TBC1D19: variants seen among roughly 807,000 people sequenced by gnomAD.
The protein encoded by TBC1D19 is TBC1 domain family member 19, also known as TBC1 domain family, member 19.
TBC1D19 carries 60 observed loss-of-function variants against 89.0 expected under a neutral mutation model. That is an observed-to-expected ratio of 0.67 (90% CI 0.55 to 0.84). The LOEUF (loss-of-function observed/expected upper bound fraction) is 0.84. TBC1D19 is among the 40% of genes least tolerant of loss of function. The pLI is 0.00. For synonymous variants in TBC1D19, 189 were observed against 199.7 expected, an observed-to-expected ratio of 0.95 and a Z score of 0.45; for missense variants, 500 against 610.8, an observed-to-expected ratio of 0.82 and a Z score of 1.91.
downstream of TBC1D19, among the ~76,000 whole-genome samples, chr4:26,759,651 C>T (rs1719395727): frequency 6.6e-6 from 1 of 152,146 alleles, no homozygotes; most frequent in Admixed American, 6.5e-5. Context: ...ACTCCAACCA[C>T]TCATCTGCTT....
At chr4:26,649,777 A>G (rs1028323351) in intron 7 of TBC1D19, among the ~76,000 whole-genome samples, 1 of 151,762 alleles carries the variant, frequency 6.6e-6, no homozygotes, top group Non-Finnish European at 1.5e-5. Context: ...TTTGTTACAT[A>G]TGTATACATG....
intron 1 of TBC1D19, among the ~76,000 whole-genome samples, chr4:26,599,065 T>C (rs1740427142): frequency 6.6e-6 from 1 of 152,068 alleles, no homozygotes; most frequent in Non-Finnish European, 1.5e-5. Context: ...CTATATTATA[T>C]ATATGTATAT....
intron 7 of TBC1D19, among the ~76,000 whole-genome samples, chr4:26,652,101 T>C (rs1744432900): frequency 6.6e-6 from 1 of 152,140 alleles, no homozygotes. Context: ...GATGTGCTGC[T>C]GGATTCGGTT....
At chr4:26,826,609 G>C in the TBC1D19 span, among the ~76,000 whole-genome samples, 4 of 152,164 alleles carry the variant, frequency 2.6e-5, no homozygotes, top group African/African-American at 9.7e-5. Flanking sequence ...CATTGTTATA[G>C]ATGATGTCCG....
chr4:26,592,527 A>C (rs985230415), intron 1 of TBC1D19, among the ~76,000 whole-genome samples: 44 of 152,204 alleles, frequency 2.9e-4, no homozygotes, highest in Admixed American at 6.5e-4. Context: ...GTATTCAATT[A>C]GGAAAAGAGG....
intron 9 of TBC1D19, among the ~76,000 whole-genome samples, chr4:26,668,182 AT>A (rs568884312): frequency 6.3e-4 from 96 of 152,068 alleles, no homozygotes; most frequent in Non-Finnish European, 8.4e-4. Context: ...ATAAAATAAA[AT>A]ATCTTATACT....
At chr4:26,810,905 G>A in the TBC1D19 span, among the ~76,000 whole-genome samples, 1 of 152,286 alleles carries the variant, frequency 6.6e-6, no homozygotes, top group South Asian at 2.1e-4. Context: ...TGAAGTAAGT[G>A]AGTAGTGTAA....
At chr4:26,806,026 G>A in the TBC1D19 span, among the ~76,000 whole-genome samples, 5 of 152,018 alleles carry the variant, frequency 3.3e-5, no homozygotes, top group Non-Finnish European at 1.5e-5. Flanking sequence ...CGGCCTCAGA[G>A]GCCCTGCTTC....
intron 13 of TBC1D19, among the ~76,000 whole-genome samples, chr4:26,696,435 A>T (rs1486317459): frequency 3.3e-5 from 5 of 152,194 alleles, no homozygotes; most frequent in African/African-American, 1.2e-4. Context: ...CACTGTCAAC[A>T]TTAGACAGAT....
the TBC1D19 span, among the ~76,000 whole-genome samples, chr4:26,832,072 C>A: frequency 6.6e-6 from 1 of 152,200 alleles, no homozygotes; most frequent in Admixed American, 6.5e-5. Context: ...TTTCCACATG[C>A]TGGGCAAGCT....
At chr4:26,659,381 T>C (rs1168107485) in intron 7 of TBC1D19, among the ~76,000 whole-genome samples, 2 of 152,166 alleles carry the variant, frequency 1.3e-5, no homozygotes, top group African/African-American at 2.4e-5. Context: ...AGATCATTCA[T>C]TGGAATATAA....
the TBC1D19 span, among the ~76,000 whole-genome samples, chr4:26,842,601 T>C: frequency 4.5e-5 from 6 of 134,124 alleles, no homozygotes; most frequent in Non-Finnish European, 9.4e-5. Flanking sequence ...TCTTTCTTTC[T>C]TTCTTTCTTT....
At chr4:26,627,339 G>A (rs1051942608) in intron 4 of TBC1D19, among the ~76,000 whole-genome samples, 31 of 152,192 alleles carry the variant, frequency 2.0e-4, no homozygotes, top group Admixed American at 1.1e-3. Flanking sequence ...GAATAGTGGC[G>A]CAATAAACAT....
chr4:26,581,765 C>T (rs553935928), upstream of TBC1D19, among the ~76,000 whole-genome samples: 49 of 152,250 alleles, frequency 3.2e-4, no homozygotes, highest in African/African-American at 1.0e-3. Flanking sequence ...CACATAATTC[C>T]TTTGGGACTG....
the TBC1D19 span, among the ~76,000 whole-genome samples, chr4:26,803,454 C>T: frequency 3.3e-5 from 5 of 152,170 alleles, no homozygotes; most frequent in South Asian, 1.0e-3. Flanking sequence ...AAATCATCAG[C>T]GTAAAATCGA....
the TBC1D19 span, among the ~76,000 whole-genome samples, chr4:26,808,707 G>A: frequency 2.1e-4 from 25 of 121,018 alleles, no homozygotes; most frequent in Admixed American, 3.3e-4. Flanking sequence ...CCAGCCTGGC[G>A]ACAGAGCAAG....
the TBC1D19 span, among the ~76,000 whole-genome samples, chr4:26,801,044 G>A: frequency 6.6e-6 from 1 of 152,164 alleles, no homozygotes; most frequent in Non-Finnish European, 1.5e-5. Context: ...GGCTTTTGTT[G>A]CCATTGCTTT....
chr4:26,857,949 G>C, the TBC1D19 span: 1 of 152,256 alleles, frequency 6.6e-6, no homozygotes, highest in Non-Finnish European at 1.5e-5. Context: ...GGCAAAGTGC[G>C]ATGCGTTTAT....
At chr4:26,770,414 A>G in the TBC1D19 span, among the ~76,000 whole-genome samples, 1 of 152,146 alleles carries the variant, frequency 6.6e-6, no homozygotes, top group African/African-American at 2.4e-5. Context: ...AAACTGATAG[A>G]ATTGCAAGGA....
Sources: allele counts gnomAD v4.1 joint callset (sites outside exome capture counted in the v4.1 genomes callset), GRCh38; gene constraint gnomAD v4.1.1; transcripts MANE v1.5; gene names NCBI Gene and HGNC (gene_info 2026-07-23, HGNC 2026-07-21).